SLC35D4: variants seen among roughly 807,000 people sequenced by gnomAD.
SLC35D4 encodes the protein UDP-N-acetylglucosamine transporter SLC35D4.
At chr18:23,412,189 TG>T in the SLC35D4 span, among the ~76,000 whole-genome samples, 1 of 152,066 alleles carries the variant, frequency 6.6e-6, no homozygotes, top group African/African-American at 2.4e-5. Flanking sequence ...CATGGTGGCA[TG>T]CACCTGTAAT....
the SLC35D4 span, among the ~76,000 whole-genome samples, chr18:23,254,098 C>G: frequency 6.6e-6 from 1 of 152,200 alleles, no homozygotes; most frequent in African/African-American, 2.4e-5. Flanking sequence ...AATAGTCAGG[C>G]TATCTTAAAA....
the SLC35D4 span, among the ~76,000 whole-genome samples, chr18:23,427,766 A>G: frequency 0.27 from 41,564 of 152,016 alleles, 6,207 homozygotes; most frequent in East Asian, 0.4. Context: ...CTTGGAACCA[A>G]CCCAAATGTC....
the SLC35D4 span, among the ~76,000 whole-genome samples, chr18:23,347,200 A>G: frequency 6.6e-6 from 1 of 152,124 alleles, no homozygotes; most frequent in Non-Finnish European, 1.5e-5. Context: ...CTTGTTATGG[A>G]TGTATTCAGA....
chr18:23,348,796 T>C, the SLC35D4 span, among the ~76,000 whole-genome samples: 1 of 152,268 alleles, frequency 6.6e-6, no homozygotes, highest in East Asian at 1.9e-4. Context: ...AAATCCAATA[T>C]GACAGTCTCT....
chr18:23,345,822 T>G, the SLC35D4 span, among the ~76,000 whole-genome samples: 1 of 152,208 alleles, frequency 6.6e-6, no homozygotes, highest in Non-Finnish European at 1.5e-5. Context: ...TTTAAGATTT[T>G]ATTTAATTCC....
At chr18:23,380,536 C>T in the SLC35D4 span, among the ~76,000 whole-genome samples, 11 of 152,310 alleles carry the variant, frequency 7.2e-5, no homozygotes, top group East Asian at 2.1e-3. Context: ...CCCACCCATA[C>T]CCTGTGCCAG....
the SLC35D4 span, among the ~76,000 whole-genome samples, chr18:23,304,648 T>C: frequency 1.3e-5 from 2 of 152,106 alleles, no homozygotes; most frequent in Non-Finnish European, 2.9e-5. Flanking sequence ...GATTTTGGGA[T>C]GTCAACCTGC....
chr18:23,350,803 G>A, the SLC35D4 span, among the ~76,000 whole-genome samples: 1 of 152,070 alleles, frequency 6.6e-6, no homozygotes, highest in Admixed American at 6.6e-5. Flanking sequence ...TCACAGCCTC[G>A]CCTGCTCTGG....
chr18:23,295,788 T>A, the SLC35D4 span, among the ~76,000 whole-genome samples: 3 of 152,156 alleles, frequency 2.0e-5, no homozygotes, highest in African/African-American at 7.2e-5. Context: ...AAGGCGTATT[T>A]CCCGGACGCC....
At chr18:23,422,363 C>T in the SLC35D4 span, among the ~76,000 whole-genome samples, 1 of 152,044 alleles carries the variant, frequency 6.6e-6, no homozygotes, top group Non-Finnish European at 1.5e-5. Context: ...CCTCCCTATC[C>T]CCAATCAGCC....
At chr18:23,413,956 T>A in the SLC35D4 span, among the ~76,000 whole-genome samples, 181 of 133,376 alleles carry the variant, frequency 1.4e-3, no homozygotes, top group East Asian at 0.012. Context: ...AAAAAAAAAT[T>A]AAAAAAAAAA....
At chr18:23,392,453 C>A in the SLC35D4 span, among the ~76,000 whole-genome samples, 3 of 152,190 alleles carry the variant, frequency 2.0e-5, no homozygotes, top group Non-Finnish European at 4.4e-5. Context: ...CATTAGATGG[C>A]AAACTCCTTG....
At chr18:23,268,650 T>A in the SLC35D4 span, among the ~76,000 whole-genome samples, 5 of 152,070 alleles carry the variant, frequency 3.3e-5, no homozygotes, top group Non-Finnish European at 7.4e-5. Flanking sequence ...ATAAACTTGT[T>A]AAATGCAGAC....
the SLC35D4 span, among the ~76,000 whole-genome samples, chr18:23,389,208 C>T: frequency 3.9e-5 from 6 of 151,950 alleles, no homozygotes; most frequent in Admixed American, 6.6e-5. Context: ...AGGTTGGTCT[C>T]GAACTCCTGA....
the SLC35D4 span, among the ~76,000 whole-genome samples, chr18:23,281,555 G>A: frequency 2.0e-5 from 3 of 152,210 alleles, no homozygotes; most frequent in East Asian, 5.8e-4. Flanking sequence ...TTGAACTCCT[G>A]AGCTCAAGCA....
the SLC35D4 span, among the ~76,000 whole-genome samples, chr18:23,279,889 C>A: frequency 6.6e-6 from 1 of 152,066 alleles, no homozygotes; most frequent in Non-Finnish European, 1.5e-5. Context: ...TAAATAGAGA[C>A]AGGATCTTAC....
At chr18:23,414,196 G>A in the SLC35D4 span, among the ~76,000 whole-genome samples, 1 of 151,896 alleles carries the variant, frequency 6.6e-6, no homozygotes, top group Non-Finnish European at 1.5e-5. Context: ...AGAGGTTGCA[G>A]TGAGCTGAGA....
At chr18:23,341,126 A>G in the SLC35D4 span, among the ~76,000 whole-genome samples, 1 of 152,184 alleles carries the variant, frequency 6.6e-6, no homozygotes, top group Non-Finnish European at 1.5e-5. Context: ...GGGGATCCTG[A>G]GATTTTATGA....
chr18:23,247,552 C>G, the SLC35D4 span, among the ~76,000 whole-genome samples: 5 of 152,310 alleles, frequency 3.3e-5, no homozygotes, highest in South Asian at 1.0e-3. Context: ...CGGAACAGCC[C>G]CACAGATCAG....
Sources: gnomAD v4.1 joint callset for allele counts (sites outside exome capture counted in the v4.1 genomes callset) on GRCh38, gnomAD v4.1.1 for gene constraint, MANE v1.5 for transcripts, NCBI Gene and HGNC (gene_info 2026-07-23, HGNC 2026-07-21) for gene names.